PSMD11: variants seen among roughly 807,000 people sequenced by gnomAD.
The protein encoded by PSMD11 is 26S proteasome non-ATPase regulatory subunit 11.
PSMD11 carries 5 observed loss-of-function variants against 62.3 expected under a neutral mutation model. That is an observed-to-expected ratio of 0.08 (90% CI 0.04 to 0.17). The LOEUF (loss-of-function observed/expected upper bound fraction) is 0.17, where lower values mean the gene tolerates loss of function less well. PSMD11 is among the 10% of genes least tolerant of loss of function. PSMD11 has a pLI of 1.00. For missense variants in PSMD11, 310 were observed against 512.9 expected, an observed-to-expected ratio of 0.60 and a Z score of 3.82; for synonymous variants, 191 against 191.8, an observed-to-expected ratio of 1.00 and a Z score of 0.03.
At chr17:32,464,454 G>A (rs937122285) in intron 4 of PSMD11, 67 bp from the exon 5 acceptor site, 28 of 1,307,736 alleles carry the variant, frequency 2.1e-5, no homozygotes, top group Non-Finnish European at 2.4e-5. Context: ...TTCTGTGACT[G>A]TCAATCTTTG....
In PSMD11 at chr17:32,457,094, A is replaced by G. The variant is rs34780250; in HGVS notation, c.318+2475A>G. ...CCCTGACTGGTTAGGCGCTCCCTTA[A>G]CTGTGGTTATATGTTGTCATTGTTC... On this transcript the variant is annotated intron_variant, in intron 3 of 13. Coordinates refer to ENST00000261712, the MANE Select transcript of PSMD11 (RefSeq NM_002815.4). 8.4e-3 allele frequency among the ~76,000 whole-genome samples: 1,281 copies of G among 152,244 alleles called. 13 individuals carry two copies. Among genetic ancestry groups the G allele is most frequent in the African/African-American group, 0.022 (897 of 41,524 alleles).
chr17:32,444,562 G>C lies in PSMD11; in HGVS notation c.39G>C (p.Gln13His). ...CGGTGGTGGAGTTCCAGAGAGCCCA[G>C]TCTCTACTCAGCACCGACCGGGAGG... is the stretch of plus-strand genomic sequence containing the variant. ...AAAVVEFQRA[Q>H]SLLSTDREAS... The change falls in exon 1 of 14, where the codon CAG becomes CAC. Residue 13 changes from glutamine (Q) to histidine (H), a missense_variant. Transcript: ENST00000261712. 2 of 1,611,708 alleles carry C rather than the reference G, an allele frequency of 1.2e-6. No individual in the cohort carries two copies. The highest frequency in any genetic ancestry group is 1.7e-6 in the Non-Finnish European group (2 of 1,179,268).
intron 5 of PSMD11, 109 bp from the exon 6 acceptor site, chr17:32,468,890 C>A: frequency 9.6e-7 from 1 of 1,043,518 alleles, no homozygotes; most frequent in Non-Finnish European, 1.3e-6. Context: ...TTTTTGAGTT[C>A]AGGAATTTTT....
At position 32,480,485 on chromosome 17, in the gene PSMD11, G is replaced by T. The variant is rs757059006; in HGVS notation, c.1127-4G>T. The T allele has an allele frequency of 6.2e-7, 1 of 1,614,154 alleles. No homozygotes were observed. The highest frequency in any genetic ancestry group is 8.5e-7 in the Non-Finnish European group (1 of 1,180,026). ...TACCTGGGTTGCCCTTGTGTTTCTT[G>T]CAGGGATTTTGGACCAGGGGGAGGG... is the stretch of plus-strand genomic sequence containing the variant. On this transcript the variant is annotated splice_polypyrimidine_tract_variant and splice_region_variant and intron_variant, in intron 12 of 13. Coordinates refer to ENST00000261712, the MANE Select transcript of PSMD11 (RefSeq NM_002815.4).
intron 6 of PSMD11, among the ~76,000 whole-genome samples, chr17:32,472,745 C>T (rs1908203959): frequency 6.6e-6 from 1 of 151,758 alleles, no homozygotes; most frequent in African/African-American, 2.4e-5. Context: ...CCATGTTGGC[C>T]AGGCTGGTCT....
intron 3 of PSMD11, among the ~76,000 whole-genome samples, chr17:32,458,364 A>T (rs1253004829): frequency 3.3e-5 from 5 of 152,142 alleles, no homozygotes; most frequent in Admixed American, 6.5e-5. Flanking sequence ...AAGCATATCA[A>T]ATATGTCAGC....
At position 32,480,782 on chromosome 17, in the gene PSMD11, T is replaced by G. The variant is rs1032935286; in HGVS notation, c.*30T>G. The G allele has an allele frequency of 1.4e-5, 12 of 838,268 alleles. No homozygotes were observed. Among genetic ancestry groups the G allele is most frequent in the Non-Finnish European group, 1.8e-5 (10 of 568,386 alleles). The allele number at this position is 838,268 out of a possible 1,614,324, so 51.9% of individuals were successfully genotyped here. A position where few individuals can be genotyped will look rare whatever the true frequency, so the allele number is the denominator to read the frequency against. The stretch of plus-strand genomic sequence containing the variant: ...GGATCTGTAGCGGTCCTTTGGAGAG[T>G]GTGTGTGGCGGGAGAGTGAAACCTT... On this transcript the variant is annotated 3_prime_UTR_variant, in exon 14 of 14. Transcript: ENST00000261712.
chr17:32,459,942 T>C (rs1440947070), intron 3 of PSMD11, among the ~76,000 whole-genome samples: 2 of 152,036 alleles, frequency 1.3e-5, no homozygotes, highest in Non-Finnish European at 2.9e-5. Context: ...CTTAGTTCTT[T>C]TAAAATTTTT....
At chr17:32,445,559 C>T (rs9900089) in intron 1 of PSMD11, 92,691 of 152,160 alleles carry the variant, frequency 0.61, 29,312 homozygotes, top group African/African-American at 0.72. Flanking sequence ...AAATTTATTA[C>T]GACAGAAGAA....
intron 3 of PSMD11, among the ~76,000 whole-genome samples, chr17:32,461,670 CTA>C (rs1387903258): frequency 6.6e-6 from 1 of 151,466 alleles, no homozygotes; most frequent in Admixed American, 6.6e-5. Flanking sequence ...GGAGAAACAT[CTA>C]TGATGACCTT....
Position 32,464,514 on chromosome 17 carries a change from T to C in PSMD11, c.391-7T>C, listed in dbSNP as rs1220416522. On this transcript the variant is annotated splice_region_variant and splice_polypyrimidine_tract_variant and intron_variant, in intron 4 of 13. Coordinates refer to ENST00000261712, the MANE Select transcript of PSMD11 (RefSeq NM_002815.4). ...CCCCTTCAATCAATGCCTTTTCTCT[T>C]TCCTAGGCAAGACTGGTGTCTTTGT... 6.3e-7 allele frequency: 1 copy of C among 1,597,104 alleles called. No individual in the cohort carries two copies. The highest frequency in any genetic ancestry group is 1.3e-5 in the African/African-American group (1 of 74,322).
At chr17:32,473,521 C>A (rs560671617) in intron 6 of PSMD11, among the ~76,000 whole-genome samples, 1 of 152,094 alleles carries the variant, frequency 6.6e-6, no homozygotes, top group East Asian at 1.9e-4. Flanking sequence ...CTCAGGTGAT[C>A]CGCCTGCCTC....
chr17:32,468,900 T>G, intron 5 of PSMD11, 99 bp from the exon 6 acceptor site: 4 of 1,197,940 alleles, frequency 3.3e-6, no homozygotes, highest in Non-Finnish European at 3.4e-6. Context: ...CAGGAATTTT[T>G]TTTTTTTTTT....
chr17:32,464,492 CT>C, intron 4 of PSMD11, 28 bp from the exon 5 acceptor site: 1 of 1,552,050 alleles, frequency 6.4e-7, no homozygotes, highest in East Asian at 2.3e-5. Context: ...TTTCCCCCCC[CT>C]TCAATCAATG....
chr17:32,451,107 T>G, intron 2 of PSMD11, among the ~76,000 whole-genome samples: 1 of 141,776 alleles, frequency 7.1e-6, no homozygotes, highest in African/African-American at 2.7e-5. Flanking sequence ...GGTGACTGAG[T>G]GAGGCTCTTT....
intron 4 of PSMD11, 88 bp downstream of exon 4, chr17:32,464,208 T>G: frequency 8.1e-7 from 1 of 1,240,524 alleles, no homozygotes; most frequent in Non-Finnish European, 1.2e-6. Context: ...AAAAGTATCT[T>G]CAGCAACTTT....
chr17:32,449,136 G>A (rs560623815), intron 2 of PSMD11, among the ~76,000 whole-genome samples: 1 of 152,202 alleles, frequency 6.6e-6, no homozygotes, highest in Non-Finnish European at 1.5e-5. Context: ...CAGGCGTGAT[G>A]GCTCATGCCT....
chr17:32,463,835 AC>A (rs1326149367), intron 3 of PSMD11, among the ~76,000 whole-genome samples: 1 of 152,224 alleles, frequency 6.6e-6, no homozygotes, highest in Admixed American at 6.5e-5. Flanking sequence ...TTCCTAAAAA[AC>A]ATAATCTAAG....
intron 5 of PSMD11, among the ~76,000 whole-genome samples, chr17:32,468,566 A>G (rs547641979): frequency 1.3e-5 from 2 of 152,324 alleles, no homozygotes; most frequent in East Asian, 1.9e-4. Context: ...GGAAGAAGGT[A>G]TATTTGGAGA....
Sources: gnomAD v4.1 joint callset for allele counts (sites outside exome capture counted in the v4.1 genomes callset) on GRCh38, gnomAD v4.1.1 for gene constraint, MANE v1.5 for transcripts, NCBI Gene and HGNC (gene_info 2026-07-23, HGNC 2026-07-21) for gene names.